PIPOX: variants seen among roughly 807,000 people sequenced by gnomAD.
The protein encoded by PIPOX is pipecolic acid and sarcosine oxidase, also known as peroxisomal sarcosine oxidase.
PIPOX carries 45 observed loss-of-function variants against 47.9 expected under a neutral mutation model. The ratio of observed to expected loss-of-function variants is 0.94; its 90% CI spans 0.74 to 1.20. The LOEUF is 1.20. Ranked by LOEUF, PIPOX falls within the 50% of genes most tolerant of loss-of-function variation. PIPOX has a pLI of 0.00. For missense variants in PIPOX, 458 were observed against 498.4 expected, an observed-to-expected ratio of 0.92 and a Z score of 0.77; for synonymous variants, 165 against 191.3, an observed-to-expected ratio of 0.86 and a Z score of 1.13.
chr17:29,045,121 C>G, intron 2 of PIPOX, 114 bp downstream of exon 2: 1 of 1,180,652 alleles, frequency 8.5e-7, no homozygotes, highest in Non-Finnish European at 1.2e-6. Flanking sequence ...GGACACAAGG[C>G]CTCAAGAAGT....
chr17:29,043,612 C>A (rs1407544261), intron 1 of PIPOX, among the ~76,000 whole-genome samples: 1 of 152,194 alleles, frequency 6.6e-6, no homozygotes, highest in African/African-American at 2.4e-5. Context: ...GCCCTGTTCT[C>A]TTCCTTCTCA....
At chr17:29,052,131 C>T in intron 2 of PIPOX, 1 of 441,170 alleles carries the variant, frequency 2.3e-6, no homozygotes, top group Non-Finnish European at 4.7e-6. Flanking sequence ...GAGACAGAGA[C>T]AGACACACAG....
chr17:29,049,695 T>C (rs879139443), intron 2 of PIPOX, among the ~76,000 whole-genome samples: 1 of 152,178 alleles, frequency 6.6e-6, no homozygotes, highest in African/African-American at 2.4e-5. Flanking sequence ...GATTTGCTCA[T>C]AATGGTCAAA....
intron 2 of PIPOX, chr17:29,046,831 G>A (rs779031590): frequency 1.1e-5 from 10 of 885,404 alleles, no homozygotes; most frequent in Non-Finnish European, 1.2e-5. Context: ...GGTTTGGAAC[G>A]AGCTGTTGAA....
chr17:29,056,255 G>A lies in PIPOX; in HGVS notation c.1123G>A (p.Ala375Thr), dbSNP rs773333574. Reference protein sequence around the residue: ...SMKLTPSYDLAPFRISRFPSL... With the variant: ...SMKLTPSYDLTPFRISRFPSL... ...GAAATTAACACCATCTTATGACTTG[G>A]CACCTTTTCGAATCAGCCGTTTCCC... The change falls in exon 8 of 8, where the codon GCA (alanine) becomes ACA (threonine). Residue 375 changes from alanine to threonine, a missense_variant. By Grantham distance (58) the Ala-to-Thr change is moderately conservative. Transcript: ENST00000323372. 3 of 1,614,038 alleles carry A rather than the reference G, an allele frequency of 1.9e-6. No individual in the cohort carries two copies. Among genetic ancestry groups the A allele is most frequent in the African/African-American group, 1.3e-5 (1 of 74,922 alleles).
At chr17:29,055,709 C>G in intron 6 of PIPOX, 104 bp from the exon 7 acceptor site, 1 of 981,824 alleles carries the variant, frequency 1.0e-6, no homozygotes, top group Non-Finnish European at 1.6e-6. Flanking sequence ...CTCATTCCAT[C>G]CTTTCTGGAA....
At chr17:29,051,638 G>A (rs1035498505) in intron 2 of PIPOX, among the ~76,000 whole-genome samples, 3 of 152,176 alleles carry the variant, frequency 2.0e-5, no homozygotes, top group African/African-American at 7.2e-5. Flanking sequence ...TTGTGACAGA[G>A]AGGCAGGAAG....
In PIPOX at chr17:29,053,432, G is replaced by A; in HGVS notation, c.497G>A (p.Gly166Glu). The part of the protein sequence containing the change: ...RALQDAIRQL[G>E]GIVRDGEKVV... ...TTTCAGGATGCAATTCGACAGCTAG[G>A]AGGCATAGTGCGTGACGGAGAGAAG... Residue 166 changes from glycine to glutamate, a missense_variant, in exon 4 of 8, where the codon GGA (glycine) becomes GAA (glutamate). Transcript: ENST00000323372. 6.2e-7 allele frequency: 1 copy of A among 1,612,464 alleles called. No individual in the cohort carries two copies. Among genetic ancestry groups the A allele is most frequent in the Non-Finnish European group, 8.5e-7 (1 of 1,178,816 alleles).
chr17:29,056,504 A>G lies in PIPOX; in HGVS notation c.*199A>G, dbSNP rs1476904131. On this transcript the variant is annotated 3_prime_UTR_variant, in exon 8 of 8. Coordinates refer to ENST00000323372, the MANE Select transcript of PIPOX (RefSeq NM_016518.3). ...CTTCTGCCTCACTTGAATCCCCCGTAAACACCAGACGATTGAGTCTACCTT... is the reference window on the plus strand; with the variant it reads ...CTTCTGCCTCACTTGAATCCCCCGTGAACACCAGACGATTGAGTCTACCTT... The G allele has an allele frequency of 3.9e-5, 24 of 620,012 alleles. No homozygotes were observed. The highest frequency in any genetic ancestry group is 2.8e-6 in the Non-Finnish European group (1 of 358,138). 38.4% of individuals were successfully genotyped at this position (620,012 alleles called of 1,614,324 possible).
intron 2 of PIPOX, chr17:29,046,711 G>A: frequency 2.0e-6 from 2 of 985,398 alleles, no homozygotes; most frequent in South Asian, 9.4e-5. Context: ...CCTTGGGTAG[G>A]AGACTCTCAG....
chr17:29,054,988 C>A, intron 5 of PIPOX, 75 bp from the exon 6 acceptor site: 1 of 1,576,712 alleles, frequency 6.3e-7, no homozygotes, highest in Non-Finnish European at 8.7e-7. Flanking sequence ...GTCCTGTGTA[C>A]ACGCCTGCCC....
chr17:29,046,360 T>C (rs1214202034), intron 2 of PIPOX, among the ~76,000 whole-genome samples: 6 of 152,056 alleles, frequency 3.9e-5, no homozygotes, highest in Non-Finnish European at 8.8e-5. Flanking sequence ...GACGTTAGAG[T>C]GTCTGGAATC....
At chr17:29,055,950 A>T (rs1463896626) in intron 7 of PIPOX, 62 bp downstream of exon 7, 3 of 1,478,168 alleles carry the variant, frequency 2.0e-6, no homozygotes, top group Non-Finnish European at 2.8e-6. Context: ...GCCAGGTGAA[A>T]TGGTATTTTC....
rs780882280 is a variant in PIPOX at position 29,055,894 on chromosome 17, T to C, written c.1042+6T>C. 1 of 1,613,414 alleles carries C rather than the reference T, an allele frequency of 6.2e-7. No homozygotes were observed. The highest frequency in any genetic ancestry group is 8.5e-7 in the Non-Finnish European group (1 of 1,179,464). On this transcript the variant is annotated splice_donor_region_variant and intron_variant, in intron 7 of 7. Transcript: ENST00000323372. ...CATTGGTGCTGGATTCTCTGGTGAG[T>C]CTGAGCTGGGGGGAATGGGGTGCCT...
chr17:29,054,496 A>C, intron 4 of PIPOX, 49 bp from the exon 5 acceptor site: 1 of 1,606,016 alleles, frequency 6.2e-7, no homozygotes, highest in Non-Finnish European at 8.5e-7. Context: ...TCATTGCTGT[A>C]GAGTTCCATG....
intron 2 of PIPOX, among the ~76,000 whole-genome samples, chr17:29,049,668 G>A (rs536721127): frequency 7.6e-4 from 116 of 152,214 alleles, no homozygotes; most frequent in Non-Finnish European, 1.4e-3. Context: ...TCCAGGCAGT[G>A]TTTTACATTT....
Position 29,044,971 on chromosome 17 carries a change from C to G in PIPOX, c.227C>G (p.Ala76Gly). ...ATGCATGAGTGCTATCAGATATGGG[C>G]CCAGCTGGAGCACGAGGCTGGAACC... Reference protein sequence around the residue: ...RMMHECYQIWAQLEHEAGTQL... With the variant: ...RMMHECYQIWGQLEHEAGTQL... Residue 76 changes from alanine (A) to glycine (G), a missense_variant, in exon 2 of 8, where the codon GCC (alanine) becomes GGC (glycine). Coordinates refer to ENST00000323372, the MANE Select transcript of PIPOX (RefSeq NM_016518.3). 6.2e-7 allele frequency: 1 copy of G among 1,612,576 alleles called. No individual in the cohort carries two copies. The highest frequency in any genetic ancestry group is 8.5e-7 in the Non-Finnish European group (1 of 1,179,344).
rs750904349 is a variant in PIPOX, at chr17:29,053,191, C to T, written c.477+58C>T. On this transcript the variant is annotated intron_variant, in intron 3 of 7. Coordinates refer to ENST00000323372, the MANE Select transcript of PIPOX (RefSeq NM_016518.3). ...GCTCCCTGCTCTGGGTGTCCTGGGT[C>T]CCAAGCAGCCAGCCCAAGACCCCCC... 4.4e-5 allele frequency: 67 copies of T among 1,522,456 alleles called. No individual in the cohort carries two copies. In the Middle Eastern group the frequency reaches 6.7e-4, roughly 15 times the overall value. 94.3% of individuals were successfully genotyped at this position (1,522,456 alleles called of 1,614,324 possible). A position where few individuals can be genotyped will look rare whatever the true frequency, so the allele number is the denominator to read the frequency against.
intron 2 of PIPOX, chr17:29,046,620 G>A (rs1423804606): frequency 1.0e-6 from 1 of 985,488 alleles, no homozygotes; most frequent in African/African-American, 1.7e-5. Context: ...AGCAACAGTG[G>A]GAGGAAAGGC....
Sources: allele counts gnomAD v4.1 joint callset (sites outside exome capture counted in the v4.1 genomes callset), GRCh38; gene constraint gnomAD v4.1.1; transcripts MANE v1.5; gene names NCBI Gene and HGNC (gene_info 2026-07-23, HGNC 2026-07-21).